OXCT1: variants seen among roughly 807,000 people sequenced by gnomAD.
OXCT1 encodes the protein 3-oxoacid CoA-transferase 1.
In OXCT1, 27 loss-of-function variants were observed where a neutral mutation model predicts 69.6. The ratio of observed to expected loss-of-function variants is 0.39; its 90% CI spans 0.29 to 0.54. The LOEUF (loss-of-function observed/expected upper bound fraction) is 0.54, where lower values mean the gene tolerates loss of function less well. OXCT1 is among the 20% of genes least tolerant of loss of function. The pLI is 0.72. For missense variants in OXCT1, 437 were observed against 650.2 expected (o/e 0.67, Z 3.57); for synonymous variants, 202 against 217.8 (o/e 0.93, Z 0.64).
At chr5:41,787,570 A>G (rs1245927706) in intron 13 of OXCT1, among the ~76,000 whole-genome samples, 1 of 145,078 alleles carries the variant, frequency 6.9e-6, no homozygotes, top group East Asian at 2.1e-4. Context: ...CAGAGTATGA[A>G]TATGTGCATA....
rs533992140 is a variant in OXCT1, at chr5:41,768,597, C to T, written c.1249-6397G>A. 5.3e-5 allele frequency among the ~76,000 whole-genome samples: 8 copies of T among 152,240 alleles called. 1 individual carries two copies. The South Asian group carries it at 1.7e-3, about 32-fold the overall frequency. ...AGAAACCTCCTTGTCTCCTGCCTCT[C>T]CCTCATAACCCACATCCAATCAGTC... On this transcript the variant is annotated intron_variant, in intron 13 of 16. Transcript: ENST00000196371.
rs138837592 is a variant in OXCT1, at chr5:41,774,727, C to G, written c.1249-12527G>C. On this transcript the variant is annotated intron_variant, in intron 13 of 16. Transcript: ENST00000196371. The stretch of plus-strand genomic sequence containing the variant: ...TGGCTAACACGGTAAAACCCCATCT[C>G]TACTCAAAATACAAAAAATTAGCCG... 1.1e-3 allele frequency among the ~76,000 whole-genome samples: 172 copies of G among 152,164 alleles called. 2 individuals carry two copies. The East Asian group carries it at 0.031, about 28-fold the overall frequency.
chr5:41,822,998 T>C (rs777076176), intron 7 of OXCT1, among the ~76,000 whole-genome samples: 1 of 152,222 alleles, frequency 6.6e-6, no homozygotes, highest in Non-Finnish European at 1.5e-5. Flanking sequence ...TTCTTTATTC[T>C]TTTTGCTCTC....
At chr5:41,812,860 T>G (rs1462495208) in intron 7 of OXCT1, among the ~76,000 whole-genome samples, 3 of 152,036 alleles carry the variant, frequency 2.0e-5, no homozygotes, top group Admixed American at 6.6e-5. Flanking sequence ...TTAAAGAGCC[T>G]GAAGATACGA....
chr5:41,759,752 C>T (rs929997023), intron 14 of OXCT1, among the ~76,000 whole-genome samples: 1 of 151,936 alleles, frequency 6.6e-6, no homozygotes, highest in Non-Finnish European at 1.5e-5. Context: ...TAACTGTAAC[C>T]CTATCGATAA....
chr5:41,789,006 T>G (rs972875121), intron 13 of OXCT1, among the ~76,000 whole-genome samples: 1 of 152,196 alleles, frequency 6.6e-6, no homozygotes, highest in African/African-American at 2.4e-5. Context: ...TGACACACCT[T>G]TAAATAAACA....
intron 15 of OXCT1, among the ~76,000 whole-genome samples, chr5:41,743,575 G>A (rs13189192): frequency 0.18 from 27,605 of 151,918 alleles, 2,687 homozygotes; most frequent in Middle Eastern, 0.28. Flanking sequence ...CCTGAATGGT[G>A]TTGCCTAGGT....
At chr5:41,772,096 C>T (rs1417203390) in intron 13 of OXCT1, among the ~76,000 whole-genome samples, 1 of 152,122 alleles carries the variant, frequency 6.6e-6, no homozygotes, top group African/African-American at 2.4e-5. Context: ...ATATTAATCT[C>T]CTCAACAACT....
rs1341517710 is a variant in OXCT1 at position 41,848,567 on chromosome 5, T to G, written c.564+1463A>C. On this transcript the variant is annotated intron_variant, in intron 5 of 16. Coordinates refer to ENST00000196371, the MANE Select transcript of OXCT1 (RefSeq NM_000436.4). ...GGCTACAGTAACCAAAACAGCATGG[T>G]ACTGGTACCAAAACAGAGATATAGA... is the stretch of plus-strand genomic sequence containing the variant. Among the ~76,000 whole-genome samples the G allele has an allele frequency of 2.0e-5, 3 of 146,616 alleles. 1 individual carries two copies. Among genetic ancestry groups the G allele is most frequent in the African/African-American group, 7.4e-5 (3 of 40,286 alleles).
At chr5:41,832,596 T>G (rs1197752829) in intron 7 of OXCT1, among the ~76,000 whole-genome samples, 1 of 152,040 alleles carries the variant, frequency 6.6e-6, no homozygotes, top group Non-Finnish European at 1.5e-5. Flanking sequence ...CCTAACCCTT[T>G]AATGCCCAGA....
chr5:41,817,583 C>G (rs1009110233), intron 7 of OXCT1, among the ~76,000 whole-genome samples: 1 of 152,168 alleles, frequency 6.6e-6, no homozygotes, highest in African/African-American at 2.4e-5. Flanking sequence ...AGTTCCATGC[C>G]ACGCAGCATA....
chr5:41,853,590 T>A (rs1283960894), intron 3 of OXCT1, 36 bp from the exon 4 acceptor site: 1 of 1,608,090 alleles, frequency 6.2e-7, no homozygotes, highest in Non-Finnish European at 8.5e-7. Flanking sequence ...CCAAAGAGCA[T>A]CTGACAGAAC....
At chr5:41,805,829 T>TA in intron 8 of OXCT1, 148 bp from the exon 9 acceptor site, 1 of 658,874 alleles carries the variant, frequency 1.5e-6, no homozygotes. Flanking sequence ...TAAAAAATAC[T>TA]ATGGGTGATA....
chr5:41,829,647 A>T (rs1747996834), intron 7 of OXCT1, among the ~76,000 whole-genome samples: 1 of 152,186 alleles, frequency 6.6e-6, no homozygotes, highest in South Asian at 2.1e-4. Context: ...CTATTCTGCT[A>T]TTCTTCTGGG....
At position 41,805,686 on chromosome 5, in the gene OXCT1, A is replaced by C. The variant is rs1242012943; in HGVS notation, c.841-5T>G. 6.5e-7 allele frequency: 1 copy of C among 1,549,958 alleles called. No individual in the cohort carries two copies. Among genetic ancestry groups the C allele is most frequent in the Non-Finnish European group, 8.9e-7 (1 of 1,121,886 alleles). On this transcript the variant is annotated splice_polypyrimidine_tract_variant and splice_region_variant and intron_variant, in intron 8 of 16. Coordinates refer to ENST00000196371, the MANE Select transcript of OXCT1 (RefSeq NM_000436.4). ...CTCTTTCCGGATTGATAAACGCTTT[A>C]AATTAAACAGAAATAAATTATTCGT...
chr5:41,781,557 T>G (rs1745400485), intron 13 of OXCT1, among the ~76,000 whole-genome samples: 1 of 151,936 alleles, frequency 6.6e-6, no homozygotes. Flanking sequence ...TCCCATCACC[T>G]AGGTATTAAG....
chr5:41,844,183 T>C (rs1748781266), intron 5 of OXCT1, among the ~76,000 whole-genome samples: 1 of 152,228 alleles, frequency 6.6e-6, no homozygotes, highest in Non-Finnish European at 1.5e-5. Flanking sequence ...GGGAAGGAGT[T>C]GGTTTTGTCA....
intron 16 of OXCT1, among the ~76,000 whole-genome samples, chr5:41,738,359 G>T (rs1742993334): frequency 6.6e-6 from 1 of 152,168 alleles, no homozygotes. Context: ...GGACCTGGTG[G>T]GAGGTAACTG....
chr5:41,785,730 C>T (rs1469104179), intron 13 of OXCT1, among the ~76,000 whole-genome samples: 4 of 152,264 alleles, frequency 2.6e-5, no homozygotes, highest in South Asian at 2.1e-4. Context: ...AAAGCACATC[C>T]CAAGGCTCTT....
Sources: gnomAD v4.1 joint callset for allele counts (sites outside exome capture counted in the v4.1 genomes callset) on GRCh38, gnomAD v4.1.1 for gene constraint, MANE v1.5 for transcripts, NCBI Gene and HGNC (gene_info 2026-07-23, HGNC 2026-07-21) for gene names.